Variants in CAPN2 observed in about 807,000 individuals in gnomAD.
CAPN2 encodes the protein calpain-2 catalytic subunit.
A neutral mutation model predicts 102.3 loss-of-function variants in CAPN2; 92 were observed. The observed-to-expected ratio is 0.90, with a 90% CI of 0.76 to 1.07. CAPN2 has a LOEUF of 1.07. Ranked by LOEUF, CAPN2 falls within the 50% of genes least tolerant of loss-of-function variation. The pLI, the probability that CAPN2 is intolerant of heterozygous loss-of-function variation, is 0.00. For missense variants in CAPN2, 800 were observed against 909.4 expected, an observed-to-expected ratio of 0.88 and a Z score of 1.55; for synonymous variants, 340 against 355.4, an observed-to-expected ratio of 0.96 and a Z score of 0.49.
chr1:223,742,638 G>C (rs547351019), intron 2 of CAPN2, among the ~76,000 whole-genome samples: 1 of 150,536 alleles, frequency 6.6e-6, no homozygotes, highest in East Asian at 2.0e-4. Flanking sequence ...TCCCACCTCA[G>C]CCTCCCAAGT....
intron 2 of CAPN2, among the ~76,000 whole-genome samples, chr1:223,738,360 C>T (rs943002794): frequency 2.0e-5 from 3 of 152,042 alleles, no homozygotes; most frequent in African/African-American, 4.8e-5. Flanking sequence ...GACAGGGTCT[C>T]ACAGTATAGT....
Position 223,756,858 on chromosome 1 carries a change from G to A in CAPN2, c.1306-511G>A, listed in dbSNP as rs913288341. On this transcript the variant is annotated intron_variant, in intron 10 of 20. Coordinates refer to ENST00000295006, the MANE Select transcript of CAPN2 (RefSeq NM_001748.5). The surrounding 1 kb of genome is among the most constrained non-coding windows in gnomAD (Gnocchi z 4.1). ...CCCACCGGCTTATGGGCTTGGAAATGCAGCCACGGGCTTTCAGAGTTGGGA... is the reference window on the plus strand; with the variant it reads ...CCCACCGGCTTATGGGCTTGGAAATACAGCCACGGGCTTTCAGAGTTGGGA... Among the ~76,000 whole-genome samples the A allele has an allele frequency of 6.6e-6, 1 of 152,220 alleles. No individual in the cohort carries two copies. Among genetic ancestry groups the A allele is most frequent in the Non-Finnish European group, 1.5e-5 (1 of 68,032 alleles).
chr1:223,747,256 G>A (rs1660772537), intron 5 of CAPN2, 91 bp downstream of exon 5: 1 of 1,311,016 alleles, frequency 7.6e-7, no homozygotes, highest in East Asian at 2.4e-5. Flanking sequence ...CTGCTCCTGT[G>A]TACAACGTAA....
intron 1 of CAPN2, among the ~76,000 whole-genome samples, chr1:223,713,958 T>C (rs2154113): frequency 0.11 from 16,692 of 152,262 alleles, 1,561 homozygotes; most frequent in African/African-American, 0.23. Context: ...TGTGGCCCAC[T>C]AGGCCCTGCC....
chr1:223,757,407 C>T (rs1571812043), intron 11 of CAPN2, 27 bp downstream of exon 11: 1 of 1,613,844 alleles, frequency 6.2e-7, no homozygotes, highest in Non-Finnish European at 8.5e-7. Context: ...TCCCGGGGTG[C>T]TCAGGTCACC....
At chr1:223,771,948 A>C in intron 19 of CAPN2, 23 bp downstream of exon 19, 1 of 1,522,098 alleles carries the variant, frequency 6.6e-7, no homozygotes, top group Non-Finnish European at 9.1e-7. Context: ...TTGGGGAATG[A>C]CTCATTTCAG....
rs1423713853 is a variant in CAPN2, at chr1:223,754,029, ATC to A, written c.1135+1077_1135+1078del. Among the ~76,000 whole-genome samples the A allele has an allele frequency of 2.0e-5, 3 of 152,210 alleles. No individual in the cohort carries two copies. Among genetic ancestry groups the A allele is most frequent in the African/African-American group, 7.2e-5 (3 of 41,456 alleles). On this transcript the variant is annotated intron_variant, in intron 9 of 20. Coordinates refer to ENST00000295006, the MANE Select transcript of CAPN2 (RefSeq NM_001748.5). The surrounding 1 kb of genome is among the most constrained non-coding windows in gnomAD (Gnocchi z 4.7). ...AGGCAGGCACTTTCTTATCACCTCC[ATC>A]TCTAAGATGAGGAAACTGAGGCTTG...
At chr1:223,704,258 T>A (rs1356610872) in intron 1 of CAPN2, among the ~76,000 whole-genome samples, 1 of 152,062 alleles carries the variant, frequency 6.6e-6, no homozygotes, top group African/African-American at 2.4e-5. Flanking sequence ...GCCACTGCAC[T>A]CCAGCCTGGG....
At chr1:223,713,524 C>A (rs1659796641) in intron 1 of CAPN2, among the ~76,000 whole-genome samples, 1 of 152,086 alleles carries the variant, frequency 6.6e-6, no homozygotes, top group African/African-American at 2.4e-5. Context: ...CCTCCAGACC[C>A]CCTTATCCCG....
At position 223,730,856 on chromosome 1, in the gene CAPN2, A is replaced by AT. The variant is rs536015304; in HGVS notation, c.307+13026dup. Among the ~76,000 whole-genome samples, 23 of 152,340 alleles carry AT rather than the reference A, an allele frequency of 1.5e-4. No individual in the cohort carries two copies. The East Asian group carries it at 4.4e-3, about 29-fold the overall frequency. The stretch of plus-strand genomic sequence containing the variant: ...TTTACAGTAGGCTGAGGTGTATTAA[A>AT]TGCATTTTCGACTTGCAATATTTTC... On this transcript the variant is annotated intron_variant, in intron 2 of 20. Transcript: ENST00000295006.
chr1:223,763,370 C>T (rs1242852106), intron 14 of CAPN2, among the ~76,000 whole-genome samples: 1 of 152,212 alleles, frequency 6.6e-6, no homozygotes, highest in Non-Finnish European at 1.5e-5. Context: ...CTCCCAGATT[C>T]CCAAGGAAAG....
At chr1:223,710,250 A>G (rs1350044657), upstream of CAPN2, among the ~76,000 whole-genome samples, 1 of 152,072 alleles carries the variant, frequency 6.6e-6, no homozygotes, top group Admixed American at 6.6e-5. Context: ...CTGTCACTGC[A>G]CTCCAGCCTG....
At position 223,712,631 on chromosome 1, in the gene CAPN2, G is replaced by C. The variant is rs1448348411; in HGVS notation, c.-10G>C. 4 of 1,516,710 alleles carry C rather than the reference G, an allele frequency of 2.6e-6. No individual in the cohort carries two copies. The highest frequency in any genetic ancestry group is 1.7e-4 in the Middle Eastern group (1 of 5,766). 94.0% of individuals were successfully genotyped at this position (1,516,710 alleles called of 1,614,324 possible). On this transcript the variant is annotated 5_prime_UTR_variant, in exon 1 of 21. Coordinates refer to ENST00000295006, the MANE Select transcript of CAPN2 (RefSeq NM_001748.5). ...CTTTCTCTGCGCAGTACGGCCGCCG[G>C]GACCGCAGCATGGCGGGCATCGCGG... is the stretch of plus-strand genomic sequence containing the variant.
At chr1:223,711,683 TCA>T (rs1659730884), upstream of CAPN2, among the ~76,000 whole-genome samples, 2 of 152,262 alleles carry the variant, frequency 1.3e-5, no homozygotes, top group Admixed American at 1.3e-4. Context: ...CGATCTCGTC[TCA>T]CTGCAACTTC....
At chr1:223,719,398 AC>A (rs1659967496) in intron 2 of CAPN2, among the ~76,000 whole-genome samples, 1 of 152,026 alleles carries the variant, frequency 6.6e-6, no homozygotes, top group Non-Finnish European at 1.5e-5. Flanking sequence ...AATTAGCTGG[AC>A]GTGGTGGTGG....
intron 2 of CAPN2, among the ~76,000 whole-genome samples, chr1:223,721,237 AC>A (rs1351264643): frequency 6.6e-6 from 1 of 152,154 alleles, no homozygotes; most frequent in Non-Finnish European, 1.5e-5. Context: ...AGGGCTGGAG[AC>A]CCAGCTGGAG....
At chr1:223,757,039 C>A (rs1435398906) in intron 10 of CAPN2, among the ~76,000 whole-genome samples, 1 of 152,222 alleles carries the variant, frequency 6.6e-6, no homozygotes, top group Non-Finnish European at 1.5e-5. Context: ...TTTCACCTCG[C>A]CTGCTGCCTC....
intron 16 of CAPN2, among the ~76,000 whole-genome samples, chr1:223,769,211 C>T (rs1214998088): frequency 1.3e-5 from 2 of 152,144 alleles, no homozygotes; most frequent in Non-Finnish European, 2.9e-5. Context: ...CCTCCGCCTC[C>T]CAGGTTCAGG....
rs372601731 is a variant in CAPN2 at position 223,746,498 on chromosome 1, A to G, written c.561-499A>G. Among the ~76,000 whole-genome samples the G allele has an allele frequency of 3.0e-4, 27 of 88,822 alleles. No individual in the cohort carries two copies. The African/African-American group carries it at 3.1e-3, about 10-fold the overall frequency. The allele number at this position is 88,822 out of a possible 152,430, so 58.3% of individuals were successfully genotyped here. ...ATCTTTTTTTTTTTTTTTTTTTTTAATACGGAGCCTCATTCTGTCACCCAG... is the reference window on the plus strand; with the variant it reads ...ATCTTTTTTTTTTTTTTTTTTTTTAGTACGGAGCCTCATTCTGTCACCCAG... On this transcript the variant is annotated intron_variant, in intron 4 of 20. Transcript: ENST00000295006.
Sources: gnomAD v4.1 joint callset for allele counts (sites outside exome capture counted in the v4.1 genomes callset) on GRCh38, gnomAD v4.1.1 for gene constraint, Gnocchi (gnomAD v3.1) non-coding constraint, MANE v1.5 for transcripts, NCBI Gene and HGNC (gene_info 2026-07-23, HGNC 2026-07-21) for gene names.